Variants in CD84 observed in about 807,000 individuals in gnomAD.
CD84 encodes the protein CD84 molecule.
CD84 carries 22 observed loss-of-function variants against 33.8 expected under a neutral mutation model. The ratio of observed to expected loss-of-function variants is 0.65; its 90% CI spans 0.46 to 0.93. The LOEUF (loss-of-function observed/expected upper bound fraction) is 0.93. CD84 is among the 40% of genes least tolerant of loss of function. CD84 has a pLI of 0.00. For missense variants in CD84, 400 were observed against 397.6 expected (o/e 1.01, Z -0.05); for synonymous variants, 154 against 145.2 (o/e 1.06, Z -0.44).
At chr1:160,549,166 T>G (rs1050738861) in intron 6 of CD84, among the ~76,000 whole-genome samples, 3 of 152,188 alleles carry the variant, frequency 2.0e-5, no homozygotes, top group African/African-American at 7.2e-5. Flanking sequence ...GAAGTAGCAC[T>G]GCCCTGCTTG....
intron 2 of CD84, among the ~76,000 whole-genome samples, chr1:160,559,419 A>G (rs746974309): frequency 2.0e-5 from 3 of 152,200 alleles, no homozygotes; most frequent in Non-Finnish European, 4.4e-5. Context: ...TCCTTTCCAA[A>G]CAAGCAAATG....
At chr1:160,556,555 G>A (rs1318071744) in intron 2 of CD84, among the ~76,000 whole-genome samples, 6 of 152,248 alleles carry the variant, frequency 3.9e-5, no homozygotes, top group African/African-American at 1.4e-4. Flanking sequence ...TACAGCCACT[G>A]CCTCTGAGAA....
intron 1 of CD84, among the ~76,000 whole-genome samples, chr1:160,575,566 A>C (rs551964126): frequency 1.5e-4 from 23 of 152,044 alleles, no homozygotes; most frequent in African/African-American, 5.3e-4. Context: ...ATCCGTTTTA[A>C]CATTGCTGCC....
intron 2 of CD84, among the ~76,000 whole-genome samples, chr1:160,558,511 T>C (rs1571360738): frequency 6.6e-6 from 1 of 152,208 alleles, no homozygotes; most frequent in Non-Finnish European, 1.5e-5. Flanking sequence ...AAAAAGTAGA[T>C]AAGCCCACAA....
intron 1 of CD84, among the ~76,000 whole-genome samples, chr1:160,568,114 T>C (rs900320114): frequency 2.6e-5 from 4 of 152,168 alleles, no homozygotes; most frequent in Non-Finnish European, 5.9e-5. Flanking sequence ...GGATTGAGAT[T>C]AGGTGTGAGG....
At position 160,554,084 on chromosome 1, in the gene CD84, C is replaced by G; in HGVS notation, c.451G>C (p.Val151Leu). 1 of 1,614,178 alleles carries G rather than the reference C, an allele frequency of 6.2e-7. No homozygotes were observed. The highest frequency in any genetic ancestry group is 8.5e-7 in the Non-Finnish European group (1 of 1,180,030). ...LMASVNSTCN[V>L]TLTCSVEKEE... The stretch of plus-strand genomic sequence containing the variant: ...TTCTCTACAGAGCATGTCAGTGTGA[C>G]ATTACAGGTGCTGTTCACAGATGCC... Residue 151 changes from valine to leucine, a missense_variant, in exon 3 of 7, where the codon GTC (valine) becomes CTC (leucine). Transcript: ENST00000368054.
intron 1 of CD84, among the ~76,000 whole-genome samples, chr1:160,572,582 G>A (rs998699341): frequency 6.6e-6 from 1 of 151,724 alleles, no homozygotes; most frequent in South Asian, 2.1e-4. Context: ...AAATTGGGGG[G>A]GGGAATGTTA....
At chr1:160,550,710 C>G in intron 5 of CD84, 13 of 985,348 alleles carry the variant, frequency 1.3e-5, no homozygotes, top group African/African-American at 1.7e-5. Flanking sequence ...GTGGGACACT[C>G]AGTGCCTCAG....
Position 160,547,456 on chromosome 1 carries a change from C to T in CD84, c.*800G>A, listed in dbSNP as rs1234516932. The T allele has an allele frequency of 8.7e-6, 3 of 345,494 alleles. No individual in the cohort carries two copies. The highest frequency in any genetic ancestry group is 1.6e-5 in the Non-Finnish European group (3 of 193,198). The allele number at this position is 345,494 out of a possible 1,614,324, so 21.4% of individuals were successfully genotyped here. On this transcript the variant is annotated 3_prime_UTR_variant, in exon 7 of 7. Transcript: ENST00000368054. ...ATCCTATAAGGCTTCTGAAGTAGCA[C>T]TCCAAGAAAAGTGTCCCAGCAGTCT...
Position 160,564,409 on chromosome 1 carries a change from G to A in CD84, c.388+995C>T, listed in dbSNP as rs150819766. ...GCCCTTATCATAAAATTACATTCTT[G>A]AGCATTTATCCCAGAGAAATAAAAA... On this transcript the variant is annotated intron_variant, in intron 2 of 6. Transcript: ENST00000368054. Among the ~76,000 whole-genome samples, 753 of 152,220 alleles carry A rather than the reference G, an allele frequency of 4.9e-3. 4 individuals carry two copies. Among genetic ancestry groups the A allele is most frequent in the African/African-American group, 0.017 (713 of 41,534 alleles).
At chr1:160,552,979 G>A (rs1656336641) in intron 4 of CD84, 1 of 579,864 alleles carries the variant, frequency 1.7e-6, no homozygotes, top group Non-Finnish European at 3.1e-6. Flanking sequence ...ATTAGTATAT[G>A]TTTCTCAATG....
intron 1 of CD84, 152 bp from the exon 2 acceptor site, chr1:160,565,897 C>A: frequency 1.6e-6 from 1 of 606,480 alleles, no homozygotes; most frequent in Admixed American, 3.5e-5. Flanking sequence ...GCATTCTACT[C>A]TAGGTGTATT....
At chr1:160,571,857 C>A (rs1037967656) in intron 1 of CD84, among the ~76,000 whole-genome samples, 3 of 152,102 alleles carry the variant, frequency 2.0e-5, no homozygotes, top group African/African-American at 7.2e-5. Flanking sequence ...AGTCCAGGGG[C>A]CTTGCCTTAA....
intron 1 of CD84, among the ~76,000 whole-genome samples, chr1:160,572,588 T>C (rs1657759412): frequency 6.6e-6 from 1 of 151,720 alleles, no homozygotes; most frequent in Admixed American, 6.6e-5. Flanking sequence ...GGGGGGGGAA[T>C]GTTACTATAA....
intron 1 of CD84, among the ~76,000 whole-genome samples, chr1:160,572,585 GA>G (rs890394209): frequency 6.6e-6 from 1 of 151,424 alleles, no homozygotes; most frequent in Non-Finnish European, 1.5e-5. Context: ...TTGGGGGGGG[GA>G]ATGTTACTAT....
chr1:160,569,252 A>T (rs1657531129), intron 1 of CD84, among the ~76,000 whole-genome samples: 1 of 152,184 alleles, frequency 6.6e-6, no homozygotes, highest in Non-Finnish European at 1.5e-5. Flanking sequence ...CCCTGGATAG[A>T]CTTTATTCTG....
At chr1:160,549,725 A>G (rs1251978487) in intron 6 of CD84, among the ~76,000 whole-genome samples, 192 bp downstream of exon 6, 1 of 152,148 alleles carries the variant, frequency 6.6e-6, no homozygotes, top group African/African-American at 2.4e-5. Context: ...TAACTCGTGG[A>G]TGGCCATTGA....
Position 160,553,944 on chromosome 1 carries a change from G to T in CD84, c.591C>A (p.Asn197Lys), listed in dbSNP as rs1240225366. 2 of 1,614,090 alleles carry T rather than the reference G, an allele frequency of 1.2e-6. No homozygotes were observed. The highest frequency in any genetic ancestry group is 1.7e-5 in the Admixed American group (1 of 60,012). Reference protein sequence around the residue: ...QELTYTCTAQNPVSNNSDSIS... With the variant: ...QELTYTCTAQKPVSNNSDSIS... ...TGGAGTCAGAATTGTTGCTGACAGG[G>T]TTCTGGGCTGTACACGTGTAAGTCA... is the stretch of plus-strand genomic sequence containing the variant. The change falls in exon 3 of 7, where the codon AAC becomes AAA. Residue 197 changes from asparagine (N) to lysine (K), a missense_variant. Transcript: ENST00000368054.
chr1:160,570,475 G>T (rs1033651130), intron 1 of CD84, among the ~76,000 whole-genome samples: 2 of 152,126 alleles, frequency 1.3e-5, no homozygotes, highest in Non-Finnish European at 2.9e-5. Context: ...AGACTATATT[G>T]TCCTGCTTTC....
Sources: gnomAD v4.1 joint callset for allele counts (sites outside exome capture counted in the v4.1 genomes callset) on GRCh38, gnomAD v4.1.1 for gene constraint, MANE v1.5 for transcripts, NCBI Gene and HGNC (gene_info 2026-07-23, HGNC 2026-07-21) for gene names.